The following SYNE2 variants were observed in gnomAD, a reference collection of about 807,000 sequenced individuals.
SYNE2 encodes the protein nesprin-2.
In SYNE2, 431 loss-of-function variants were observed where a neutral mutation model predicts 856.3. That is an observed-to-expected ratio of 0.50 (90% CI 0.47 to 0.55). The LOEUF is 0.55. Among genes scored for constraint, SYNE2 ranks in the 20% least tolerant of loss-of-function variants. SYNE2 has a pLI of 0.00. For missense variants in SYNE2, 8,129 were observed against 8,023.2 expected, an observed-to-expected ratio of 1.01 and a Z score of -0.50; for synonymous variants, 2,923 against 2,872.3, an observed-to-expected ratio of 1.02 and a Z score of -0.56.
chr14:64,023,363 T>G (rs2096952292), intron 38 of SYNE2: 1 of 157,360 alleles, frequency 6.4e-6, no homozygotes, highest in Non-Finnish European at 1.4e-5. Flanking sequence ...ATTTATTGGG[T>G]GTGTGTACAA....
chr14:63,907,731 G>A (rs2095425420), intron 1 of SYNE2, among the ~76,000 whole-genome samples: 1 of 152,066 alleles, frequency 6.6e-6, no homozygotes. Context: ...GGGTGGTGGA[G>A]GTCCTCAGTA....
At chr14:64,209,325 A>G in intron 101 of SYNE2, 103 bp from the exon 102 acceptor site, 6 of 1,575,984 alleles carry the variant, frequency 3.8e-6, no homozygotes, top group Non-Finnish European at 5.2e-6. Flanking sequence ...AAGGGGTAAC[A>G]GGGTCTCCCC....
chr14:64,152,077 G>A (rs2098248858), intron 84 of SYNE2, among the ~76,000 whole-genome samples: 1 of 152,056 alleles, frequency 6.6e-6, no homozygotes, highest in Non-Finnish European at 1.5e-5. Flanking sequence ...TAAACTAAGA[G>A]GTAGAAAATG....
chr14:63,977,716 T>G (rs1387871279), intron 12 of SYNE2, among the ~76,000 whole-genome samples, 189 bp from the exon 13 acceptor site: 4 of 151,972 alleles, frequency 2.6e-5, no homozygotes, highest in African/African-American at 4.8e-5. Flanking sequence ...GCTATGATCA[T>G]GCCACTGCAC....
intron 11 of SYNE2, among the ~76,000 whole-genome samples, chr14:63,974,886 GTGTGTGTA>G (rs1395024022): frequency 3.8e-5 from 1 of 26,302 alleles, no homozygotes. Flanking sequence ...GTGTGTGTGT[GTGTGTGTA>G]TATATATATA....
At chr14:64,215,231 T>G in intron 106 of SYNE2, 55 bp from the exon 107 acceptor site, 12 of 1,439,106 alleles carry the variant, frequency 8.3e-6, no homozygotes, top group Non-Finnish European at 1.2e-5. Flanking sequence ...TGTTAATACT[T>G]GGGCATTAAT....
At chr14:64,115,358 G>A (rs1266329850) in intron 66 of SYNE2, among the ~76,000 whole-genome samples, 1 of 152,124 alleles carries the variant, frequency 6.6e-6, no homozygotes, top group Admixed American at 6.5e-5. Context: ...ATAGACTGGG[G>A]GTCAGGCCAC....
chr14:63,927,992 C>T (rs560255120), intron 2 of SYNE2, among the ~76,000 whole-genome samples: 31 of 151,798 alleles, frequency 2.0e-4, no homozygotes, highest in African/African-American at 7.0e-4. Context: ...TATAAATTAC[C>T]TAGTCTTAGG....
At chr14:64,123,139 A>G (rs958925095) in intron 70 of SYNE2, among the ~76,000 whole-genome samples, 1 of 151,950 alleles carries the variant, frequency 6.6e-6, no homozygotes, top group Non-Finnish European at 1.5e-5. Context: ...ACAGCGCTAC[A>G]ATGAGTGTCA....
Position 63,831,000 on chromosome 14 carries a change from C to A in SYNE2, c.-304-21501C>A, listed in dbSNP as rs1369015048. ...GGATTACAGGCACCTGCCACCCTGC[C>A]CGGCTAATTTTTGTATTTTTAGCAG... On this transcript the variant is annotated intron_variant, in intron 1 of 23. Transcript: ENST00000674003. Among the ~76,000 whole-genome samples the A allele has an allele frequency of 2.6e-5, 4 of 151,816 alleles. No homozygotes were observed. In the South Asian group the frequency reaches 8.3e-4, roughly 32 times the overall value.
intron 88 of SYNE2, 89 bp from the exon 89 acceptor site, chr14:64,163,313 T>C: frequency 6.9e-7 from 1 of 1,452,684 alleles, no homozygotes; most frequent in South Asian, 1.2e-5. Context: ...AGGGCAAATA[T>C]TCTCCTAGAT....
At chr14:64,168,228 C>T (rs892374603) in intron 92 of SYNE2, among the ~76,000 whole-genome samples, 4 of 152,092 alleles carry the variant, frequency 2.6e-5, no homozygotes, top group African/African-American at 4.8e-5. Flanking sequence ...CTTACCCTTC[C>T]GAGTAGCTGG....
chr14:63,946,942 T>C (rs1035919983), intron 6 of SYNE2, among the ~76,000 whole-genome samples: 6 of 152,082 alleles, frequency 3.9e-5, no homozygotes, highest in Non-Finnish European at 8.8e-5. Context: ...GTCTGTCTCC[T>C]GGGTTCAAGT....
intron 87 of SYNE2, among the ~76,000 whole-genome samples, chr14:64,161,424 A>C (rs1049788917): frequency 6.6e-6 from 1 of 152,122 alleles, no homozygotes; most frequent in Non-Finnish European, 1.5e-5. Context: ...CTTTATTTCC[A>C]CTTCTATGTA....
intron 1 of SYNE2, among the ~76,000 whole-genome samples, chr14:63,895,414 T>C (rs1430911416): frequency 6.6e-6 from 1 of 151,664 alleles, no homozygotes; most frequent in East Asian, 1.9e-4. Context: ...TGGCCAAATT[T>C]CCATTTTCTA....
Position 64,113,142 on chromosome 14 carries a change from G to C in SYNE2, c.12610-199G>C, listed in dbSNP as rs576106616. 12 of 985,392 alleles carry C rather than the reference G, an allele frequency of 1.2e-5. No individual in the cohort carries two copies. The African/African-American group carries it at 2.1e-4, about 17-fold the overall frequency. The allele number at this position is 985,392 out of a possible 1,614,324, so 61.0% of individuals were successfully genotyped here. A position where few individuals can be genotyped will look rare whatever the true frequency, so the allele number is the denominator to read the frequency against. On this transcript the variant is annotated intron_variant, in intron 65 of 115. Transcript: ENST00000555002. ...GGAATACTGTACCTGCTTACTCGCAGATCGGCTGCTTGGAAACCTGTGGCA... is the reference window on the plus strand; with the variant it reads ...GGAATACTGTACCTGCTTACTCGCACATCGGCTGCTTGGAAACCTGTGGCA...
chr14:63,974,804 G>GTGTATGTATA (rs2096519553), intron 11 of SYNE2, among the ~76,000 whole-genome samples: 1 of 130,862 alleles, frequency 7.6e-6, no homozygotes, highest in Non-Finnish European at 1.6e-5. Context: ...GTGTATATAT[G>GTGTATGTATA]TGTATATATG....
At chr14:63,947,959 C>T (rs2096062040) in intron 6 of SYNE2, among the ~76,000 whole-genome samples, 1 of 152,174 alleles carries the variant, frequency 6.6e-6, no homozygotes, top group Non-Finnish European at 1.5e-5. Flanking sequence ...TATTTTGTTT[C>T]ATCACTTCTC....
intron 57 of SYNE2, among the ~76,000 whole-genome samples, chr14:64,082,169 C>G (rs1453903369): frequency 6.6e-6 from 1 of 152,016 alleles, no homozygotes; most frequent in Non-Finnish European, 1.5e-5. Context: ...TTCCCATCCT[C>G]TGGTGTATAT....
Sources: gnomAD v4.1 joint callset for allele counts (sites outside exome capture counted in the v4.1 genomes callset) on GRCh38, gnomAD v4.1.1 for gene constraint, MANE v1.5 for transcripts, NCBI Gene and HGNC (gene_info 2026-07-23, HGNC 2026-07-21) for gene names.